Variants in PIAS4 observed in about 807,000 individuals in gnomAD.
PIAS4 encodes E3 SUMO-protein ligase PIAS4.
Under a neutral mutation model 58.0 loss-of-function variants are expected in PIAS4, and 7 were observed. The ratio of observed to expected loss-of-function variants is 0.12; its 90% CI spans 0.07 to 0.23. The LOEUF is 0.23. PIAS4 is among the 10% of genes least tolerant of loss of function. The probability of loss-of-function intolerance (pLI) is 1.00; values close to 1 mark genes in which losing one functional copy is unlikely to be tolerated. For missense variants in PIAS4, 550 were observed against 709.5 expected (o/e 0.78, Z 2.55); for synonymous variants, 364 against 312.4 (o/e 1.17, Z -1.74).
At chr19:4,029,094 C>T (rs2040197949) in intron 7 of PIAS4, 58 bp downstream of exon 7, 1 of 1,293,242 alleles carries the variant, frequency 7.7e-7, no homozygotes, top group Non-Finnish European at 1.1e-6. Context: ...GAAACCCGCC[C>T]TGTGCTGGGT....
At chr19:4,026,557 G>A (rs533989710) in intron 3 of PIAS4, among the ~76,000 whole-genome samples, 1 of 75,872 alleles carries the variant, frequency 1.3e-5, no homozygotes, top group African/African-American at 4.0e-5. Flanking sequence ...CCTAGTCTCA[G>A]GGCAGTCATG....
rs1184910886 is a variant in PIAS4, at chr19:4,014,273, A to G, written c.454+924A>G. On this transcript the variant is annotated intron_variant, in intron 2 of 10. Coordinates refer to ENST00000262971, the MANE Select transcript of PIAS4 (RefSeq NM_015897.4). ...TGTGTGTCAGGACCTCATAGCCCAC[A>G]GCAGTGTGGACAGGCCCCTGGTGCC... Among the ~76,000 whole-genome samples, 8 of 152,152 alleles carry G rather than the reference A, an allele frequency of 5.3e-5. No individual in the cohort carries two copies. The East Asian group carries it at 1.5e-3, about 29-fold the overall frequency.
rs187719832 is a variant in PIAS4, at chr19:4,013,449, G to A, written c.454+100G>A. The A allele has an allele frequency of 1.5e-4, 167 of 1,117,244 alleles. No individual in the cohort carries two copies. The East Asian group carries it at 3.5e-3, about 23-fold the overall frequency. 69.2% of individuals were successfully genotyped at this position (1,117,244 alleles called of 1,614,324 possible). ...CAGCCGACTTCGAGTGATGTTCTCTGTGGCGCAGCCAGGGCGGGGAGCCAC... is the reference window on the plus strand; with the variant it reads ...CAGCCGACTTCGAGTGATGTTCTCTATGGCGCAGCCAGGGCGGGGAGCCAC... On this transcript the variant is annotated intron_variant, in intron 2 of 10. Coordinates refer to ENST00000262971, the MANE Select transcript of PIAS4 (RefSeq NM_015897.4). The surrounding 1 kb of genome is among the most constrained non-coding windows in gnomAD (Gnocchi z 5.1).
chr19:4,028,932 G>A lies in PIAS4; in HGVS notation c.803G>A (p.Ser268Asn), dbSNP rs1364169867. 1.3e-5 allele frequency: 21 copies of A among 1,611,646 alleles called. No homozygotes were observed. The highest frequency in any genetic ancestry group is 1.7e-5 in the Non-Finnish European group (20 of 1,179,330). The change falls in exon 7 of 11, where the codon AGC becomes AAC. Residue 268 changes from serine (S) to asparagine (N), a missense_variant and splice_region_variant. Coordinates refer to ENST00000262971, the MANE Select transcript of PIAS4 (RefSeq NM_015897.4). ...ITVTWGNYGKSYSVALYLVRQ... is the reference protein window; with the variant it reads ...ITVTWGNYGKNYSVALYLVRQ... ...CTGACCCCTTCCTTCTGTCCCCAGA[G>A]CTACTCGGTGGCCCTGTACCTGGTG...
In PIAS4 at chr19:4,032,948, C is replaced by T. The variant is rs1394483843; in HGVS notation, c.908-152C>T. On this transcript the variant is annotated intron_variant, in intron 7 of 10. Coordinates refer to ENST00000262971, the MANE Select transcript of PIAS4 (RefSeq NM_015897.4). ...GTTGCCACCCGGCTTTCTCCAATCC[C>T]TCACGGCCCCGAGCCACACAGCGAA... The T allele has an allele frequency of 8.2e-5, 52 of 634,774 alleles. 1 individual carries two copies. Among genetic ancestry groups the T allele is most frequent in the Non-Finnish European group, 1.4e-4 (50 of 360,334 alleles). 39.3% of individuals were successfully genotyped at this position (634,774 alleles called of 1,614,324 possible).
At chr19:4,022,648 G>A in intron 2 of PIAS4, among the ~76,000 whole-genome samples, 1 of 151,876 alleles carries the variant, frequency 6.6e-6, no homozygotes, top group East Asian at 2.0e-4. Context: ...TTACAGGCGT[G>A]AGCCACCGCG....
At chr19:4,022,715 C>G (rs2040122659) in intron 2 of PIAS4, among the ~76,000 whole-genome samples, 1 of 151,580 alleles carries the variant, frequency 6.6e-6, no homozygotes, top group South Asian at 2.1e-4. Flanking sequence ...CAGTCTCACT[C>G]TGTCGCCCAG....
chr19:4,030,875 A>T (rs2040216557), intron 7 of PIAS4, among the ~76,000 whole-genome samples: 2 of 151,534 alleles, frequency 1.3e-5, no homozygotes, highest in South Asian at 2.1e-4. Flanking sequence ...TCTTATGGAG[A>T]GGCTAGGCCT....
intron 8 of PIAS4, 75 bp from the exon 9 acceptor site, chr19:4,033,345 A>G: frequency 7.0e-7 from 1 of 1,422,850 alleles, no homozygotes; most frequent in Non-Finnish European, 9.5e-7. Flanking sequence ...CACAGGATGG[A>G]GCTGGGGGTG....
intron 7 of PIAS4, 134 bp from the exon 8 acceptor site, chr19:4,032,966 A>G (rs1482099076): frequency 2.8e-6 from 2 of 701,852 alleles, no homozygotes; most frequent in African/African-American, 3.6e-5. Context: ...CCCGAGCCAC[A>G]CAGCGAAGCT....
At chr19:4,022,609 A>AC (rs1487809263) in intron 2 of PIAS4, among the ~76,000 whole-genome samples, 2 of 148,704 alleles carry the variant, frequency 1.3e-5, no homozygotes, top group African/African-American at 5.0e-5. Context: ...CTCGTGATCC[A>AC]CCCCCCTCGG....
chr19:4,033,253 C>A lies in PIAS4; in HGVS notation c.981+80C>A, dbSNP rs528939537. On this transcript the variant is annotated intron_variant, in intron 8 of 10. Transcript: ENST00000262971. ...CCTGGCGGCCCTGGGCCCGGGGCGG[C>A]TTGGCTGGGCCGTGAGCCTGCGGGG... is the stretch of plus-strand genomic sequence containing the variant. 6.2e-6 allele frequency: 9 copies of A among 1,455,600 alleles called. No homozygotes were observed. The African/African-American group carries it at 1.3e-4, about 20-fold the overall frequency. 90.2% of individuals were successfully genotyped at this position (1,455,600 alleles called of 1,614,324 possible).
In PIAS4 at chr19:4,037,728, C is replaced by T. The variant is rs767676721; in HGVS notation, c.1386C>T (p.Gly462=). Residue 462 remains glycine, a synonymous_variant, in exon 11 of 11, where the codon GGC becomes GGT. Coordinates refer to ENST00000262971, the MANE Select transcript of PIAS4 (RefSeq NM_015897.4). This position sits in a 1 kb window ranked among gnomAD's most constrained non-coding sequence, Gnocchi z 5.8. ...GCAGCATGGAGAATGGGAAGCCGGG[C>T]GCCGATGTGGTGGACCTCACGCTGG... The part of the protein sequence containing the change: ...PVGSMENGKP[G]ADVVDLTLDS... 9.3e-6 allele frequency: 15 copies of T among 1,611,236 alleles called. No homozygotes were observed. The Admixed American group carries it at 1.0e-4, about 11-fold the overall frequency.
intron 1 of PIAS4, 134 bp downstream of exon 1, chr19:4,007,921 G>A (rs1474249262): frequency 1.8e-6 from 1 of 559,658 alleles, no homozygotes; most frequent in Non-Finnish European, 2.6e-6. Flanking sequence ...CCGGCCCCCA[G>A]ACCCCGACCC....
chr19:4,026,950 C>A (rs1216064884), intron 3 of PIAS4, among the ~76,000 whole-genome samples: 2 of 152,054 alleles, frequency 1.3e-5, no homozygotes, highest in Non-Finnish European at 2.9e-5. Flanking sequence ...TGGGTTCACG[C>A]CATTCTCCTG....
chr19:4,029,650 A>G (rs1442711049), intron 7 of PIAS4, among the ~76,000 whole-genome samples: 2 of 146,586 alleles, frequency 1.4e-5, no homozygotes, highest in Non-Finnish European at 3.0e-5. Flanking sequence ...GCAGAGCGAG[A>G]CTCCACCTCA....
intron 3 of PIAS4, among the ~76,000 whole-genome samples, chr19:4,026,210 G>A (rs1230455838): frequency 7.0e-6 from 1 of 143,176 alleles, no homozygotes; most frequent in East Asian, 2.1e-4. Flanking sequence ...TCGGCTCACT[G>A]CAACTTCTGC....
At chr19:4,011,679 G>T (rs1420934115) in intron 1 of PIAS4, among the ~76,000 whole-genome samples, 42 of 133,992 alleles carry the variant, frequency 3.1e-4, no homozygotes, top group Middle Eastern at 4.0e-3. Flanking sequence ...TGTGGGGGGT[G>T]TGGAGGTGTG....
At chr19:4,030,641 AGCCTGGTAG>A (rs2040214567) in intron 7 of PIAS4, among the ~76,000 whole-genome samples, 1 of 151,096 alleles carries the variant, frequency 6.6e-6, no homozygotes, top group South Asian at 2.1e-4. Flanking sequence ...AAGCCTGCCA[AGCCTGGTAG>A]GCAAATCAGT....
Sources: gnomAD v4.1 joint callset for allele counts (sites outside exome capture counted in the v4.1 genomes callset) on GRCh38, gnomAD v4.1.1 for gene constraint, Gnocchi (gnomAD v3.1) non-coding constraint, MANE v1.5 for transcripts, NCBI Gene and HGNC (gene_info 2026-07-23, HGNC 2026-07-21) for gene names.